RBFOX1: variants seen among roughly 807,000 people sequenced by gnomAD.
The protein encoded by RBFOX1 is RNA binding protein fox-1 homolog 1.
Under a neutral mutation model 57.7 loss-of-function variants are expected in RBFOX1, and 8 were observed. The ratio of observed to expected loss-of-function variants is 0.14; its 90% CI spans 0.08 to 0.25. The LOEUF (loss-of-function observed/expected upper bound fraction) is 0.25, where lower values mean the gene tolerates loss of function less well. Among genes scored for constraint, RBFOX1 ranks in the 10% least tolerant of loss-of-function variants. RBFOX1 has a pLI of 1.00. For synonymous variants in RBFOX1, 326 were observed against 222.4 expected (o/e 1.47, Z -4.15); for missense variants, 611 against 548.5 (o/e 1.11, Z -1.14).
At chr16:6,437,288 A>C (rs1249254285) in intron 2 of RBFOX1, among the ~76,000 whole-genome samples, 1 of 152,218 alleles carries the variant, frequency 6.6e-6, no homozygotes, top group Non-Finnish European at 1.5e-5. Context: ...TAATTCCATT[A>C]ATTTAAGCTA....
At chr16:7,582,268 G>A (rs943375375) in intron 6 of RBFOX1, among the ~76,000 whole-genome samples, 1 of 152,186 alleles carries the variant, frequency 6.6e-6, no homozygotes, top group Non-Finnish European at 1.5e-5. Context: ...TCAATTAAGA[G>A]AACACACCAT....
Position 6,485,639 on chromosome 16 carries a change from C to CT in RBFOX1, c.-64+168588dup, listed in dbSNP as rs1033509508. Among the ~76,000 whole-genome samples the CT allele has an allele frequency of 3.9e-5, 6 of 152,242 alleles. No individual in the cohort carries two copies. In the South Asian group the frequency reaches 6.2e-4, roughly 16 times the overall value. On this transcript the variant is annotated intron_variant, in intron 2 of 15. Coordinates refer to ENST00000550418, the MANE Select transcript of RBFOX1 (RefSeq NM_018723.4). The stretch of plus-strand genomic sequence containing the variant: ...GTCTTATAAAAAGTGAATATTCAAA[C>CT]TTTTTTATCATTTCTTTTTAACCAA...
chr16:5,441,910 C>A (rs974992883), intron 1 of RBFOX1, among the ~76,000 whole-genome samples: 14 of 152,094 alleles, frequency 9.2e-5, no homozygotes, highest in African/African-American at 3.4e-4. Flanking sequence ...TTGTTCTCTC[C>A]CACGACACAT....
intron 4 of RBFOX1, among the ~76,000 whole-genome samples, chr16:7,391,845 C>G (rs2098031002): frequency 1.3e-5 from 2 of 152,136 alleles, no homozygotes; most frequent in Non-Finnish European, 2.9e-5. Context: ...GGTTACACAA[C>G]CAGCCTGTCC....
At chr16:7,391,916 G>T (rs1019162852) in intron 4 of RBFOX1, among the ~76,000 whole-genome samples, 1 of 152,148 alleles carries the variant, frequency 6.6e-6, no homozygotes, top group South Asian at 2.1e-4. Flanking sequence ...ATATCAACTT[G>T]CGTTAGTTTA....
chr16:6,530,073 C>G (rs529510541), intron 2 of RBFOX1, among the ~76,000 whole-genome samples: 1 of 152,160 alleles, frequency 6.6e-6, no homozygotes, highest in African/African-American at 2.4e-5. Flanking sequence ...AGTTTCTTTT[C>G]TTCCCTTGTC....
intron 4 of RBFOX1, among the ~76,000 whole-genome samples, chr16:7,260,589 A>G (rs988242111): frequency 6.6e-6 from 1 of 152,176 alleles, no homozygotes; most frequent in Non-Finnish European, 1.5e-5. Flanking sequence ...TGTGTCATGT[A>G]GAGACGCTAT....
intron 3 of RBFOX1, among the ~76,000 whole-genome samples, chr16:7,030,232 G>C (rs370068437): frequency 2.6e-5 from 4 of 152,174 alleles, no homozygotes; most frequent in Non-Finnish European, 5.9e-5. Context: ...CTGTTCTTCA[G>C]TGACACAGAT....
rs138769129 is a variant in RBFOX1 at position 5,641,763 on chromosome 16, T to C, written c.318+42802T>C. Among the ~76,000 whole-genome samples the C allele has an allele frequency of 2.9e-3, 435 of 152,210 alleles. 1 individual carries two copies. The highest frequency in any genetic ancestry group is 1.0e-2 in the African/African-American group (415 of 41,576). On this transcript the variant is annotated intron_variant, in intron 3 of 19. Transcript: ENST00000641259. ...CGGAATAAAGGCAGGGGGTCAGTTC[T>C]TGGAGAGCCATGAAGACCAGTGCAT...
At chr16:5,747,976 A>G (rs539380883) in intron 3 of RBFOX1, among the ~76,000 whole-genome samples, 5,608 of 152,028 alleles carry the variant, frequency 0.037, 350 homozygotes, top group African/African-American at 0.13. Flanking sequence ...TAGGGTGTCA[A>G]TTTTAGATCT....
chr16:6,382,614 C>G (rs905149370), intron 2 of RBFOX1, among the ~76,000 whole-genome samples: 5 of 152,176 alleles, frequency 3.3e-5, no homozygotes, highest in African/African-American at 1.2e-4. Context: ...AATCCCAGAA[C>G]TTTGGGAGGC....
intron 1 of RBFOX1, among the ~76,000 whole-genome samples, chr16:6,134,212 C>T (rs1481213294): frequency 1.3e-5 from 2 of 152,164 alleles, no homozygotes; most frequent in South Asian, 2.1e-4. Flanking sequence ...GTTGGGATTA[C>T]AGGCGTGAGC....
chr16:7,604,631 T>C (rs2095210615), intron 9 of RBFOX1, among the ~76,000 whole-genome samples: 1 of 152,122 alleles, frequency 6.6e-6, no homozygotes, highest in African/African-American at 2.4e-5. Flanking sequence ...GATAGATCAG[T>C]AGATAGATGG....
chr16:5,577,547 G>T (rs1298608343), intron 2 of RBFOX1, among the ~76,000 whole-genome samples: 1 of 152,056 alleles, frequency 6.6e-6, no homozygotes, highest in Non-Finnish European at 1.5e-5. Flanking sequence ...CCCAGCACGG[G>T]GCCTTGTGCT....
At chr16:7,699,389 G>C (rs960706800) in intron 14 of RBFOX1, among the ~76,000 whole-genome samples, 1 of 152,138 alleles carries the variant, frequency 6.6e-6, no homozygotes, top group Non-Finnish European at 1.5e-5. Flanking sequence ...ATGGGGTCTT[G>C]TTCTATTGCC....
At chr16:6,316,681 C>A (rs2081161637) in intron 1 of RBFOX1, among the ~76,000 whole-genome samples, 1 of 152,022 alleles carries the variant, frequency 6.6e-6, no homozygotes, top group South Asian at 2.1e-4. Context: ...GTTGACTTGC[C>A]CGAGTTCAAA....
At chr16:7,466,673 C>G (rs377378692) in intron 4 of RBFOX1, among the ~76,000 whole-genome samples, 1 of 152,204 alleles carries the variant, frequency 6.6e-6, no homozygotes, top group Non-Finnish European at 1.5e-5. Flanking sequence ...TCAGTGTCCA[C>G]ATCTGTAAAA....
intron 3 of RBFOX1, among the ~76,000 whole-genome samples, chr16:6,799,193 G>A (rs1351717966): frequency 6.6e-6 from 1 of 152,052 alleles, no homozygotes; most frequent in African/African-American, 2.4e-5. Flanking sequence ...GCTGATGGAG[G>A]AGAGCCAGTT....
intron 4 of RBFOX1, among the ~76,000 whole-genome samples, chr16:7,247,565 T>C (rs147558084): frequency 6.6e-6 from 1 of 152,198 alleles, no homozygotes; most frequent in Non-Finnish European, 1.5e-5. Context: ...ATGAATAGTT[T>C]TATGTTAACA....
Sources: allele counts gnomAD v4.1 joint callset (sites outside exome capture counted in the v4.1 genomes callset), GRCh38; gene constraint gnomAD v4.1.1; transcripts MANE v1.5; gene names NCBI Gene and HGNC (gene_info 2026-07-23, HGNC 2026-07-21).